WNT5A: variants seen among roughly 807,000 people sequenced by gnomAD.
The protein encoded by WNT5A is protein Wnt-5a.
WNT5A carries 9 observed loss-of-function variants against 42.1 expected under a neutral mutation model. That is an observed-to-expected ratio of 0.21 (90% CI 0.13 to 0.37). WNT5A has a LOEUF of 0.37. Ranked by LOEUF, WNT5A falls within the 10% of genes least tolerant of loss-of-function variation. The probability of loss-of-function intolerance (pLI) is 1.00; values close to 1 mark genes in which losing one functional copy is unlikely to be tolerated. For synonymous variants in WNT5A, 210 were observed against 210.0 expected, an observed-to-expected ratio of 1.00 and a Z score of 0.00; for missense variants, 426 against 534.0, an observed-to-expected ratio of 0.80 and a Z score of 1.99.
the WNT5A span, among the ~76,000 whole-genome samples, chr3:55,504,493 A>G: frequency 2.0e-5 from 3 of 151,440 alleles, no homozygotes; most frequent in African/African-American, 7.3e-5. Flanking sequence ...TTTTGAGAAA[A>G]AAAATTGTTG....
At chr3:55,488,819 G>T (rs2051622800), upstream of WNT5A, among the ~76,000 whole-genome samples, 1 of 152,194 alleles carries the variant, frequency 6.6e-6, no homozygotes, top group South Asian at 2.1e-4. Flanking sequence ...CTCCCACTGG[G>T]GCTCCACGGA....
chr3:55,466,676 G>T lies in WNT5A; in HGVS notation c.*3416C>A, dbSNP rs1317250892. 1 of 152,440 alleles carries T rather than the reference G, an allele frequency of 6.6e-6. No individual in the cohort carries two copies. Among genetic ancestry groups the T allele is most frequent in the Non-Finnish European group, 1.5e-5 (1 of 67,994 alleles). 9.4% of individuals were successfully genotyped at this position (152,440 alleles called of 1,614,324 possible). On this transcript the variant is annotated 3_prime_UTR_variant, in exon 5 of 5. Coordinates refer to ENST00000264634, the MANE Select transcript of WNT5A (RefSeq NM_003392.7). The stretch of plus-strand genomic sequence containing the variant: ...ATTTTTTATTAATTTTCTTGTATTG[G>T]GAAGATCTTGAATACGCTCCAGGAT...
In WNT5A at chr3:55,479,294, T is replaced by C. The variant is rs751376429; in HGVS notation, c.391+20A>G. 13 of 1,465,078 alleles carry C rather than the reference T, an allele frequency of 8.9e-6. No homozygotes were observed. The highest frequency in any genetic ancestry group is 1.4e-5 in the African/African-American group (1 of 70,252). The allele number at this position is 1,465,078 out of a possible 1,614,324, so 90.8% of individuals were successfully genotyped here. A position where few individuals can be genotyped will look rare whatever the true frequency, so the allele number is the denominator to read the frequency against. ...AAAAAAAGTTAATGTTTTAAAAAAA[T>C]ATTTTAAATGTTTTCCTACCTATCT... On this transcript the variant is annotated intron_variant, in intron 3 of 4. Coordinates refer to ENST00000264634, the MANE Select transcript of WNT5A (RefSeq NM_003392.7).
chr3:55,476,430 T>C (rs967002726), intron 3 of WNT5A, among the ~76,000 whole-genome samples: 2 of 152,098 alleles, frequency 1.3e-5, no homozygotes, highest in African/African-American at 4.8e-5. Context: ...ATACAGCTTC[T>C]AGGGAGTAAT....
Position 55,467,532 on chromosome 3 carries a change from T to C in WNT5A, c.*2560A>G, listed in dbSNP as rs528817958. The C allele has an allele frequency of 6.5e-6, 1 of 152,678 alleles. No homozygotes were observed. Among genetic ancestry groups the C allele is most frequent in the East Asian group, 1.9e-4 (1 of 5,176 alleles). 9.5% of individuals were successfully genotyped at this position (152,678 alleles called of 1,614,324 possible). ...ATCCTAAACTATCCGTCATGGTTTCTCCAAAAATCTCCACATGAATTATCT... is the reference window on the plus strand; with the variant it reads ...ATCCTAAACTATCCGTCATGGTTTCCCCAAAAATCTCCACATGAATTATCT... On this transcript the variant is annotated 3_prime_UTR_variant, in exon 5 of 5. Coordinates refer to ENST00000264634, the MANE Select transcript of WNT5A (RefSeq NM_003392.7).
intron 4 of WNT5A, among the ~76,000 whole-genome samples, chr3:55,472,629 G>C (rs2051274634): frequency 6.6e-6 from 1 of 152,086 alleles, no homozygotes; most frequent in East Asian, 1.9e-4. Context: ...GCCTGAGAAA[G>C]GAGAGGCCAC....
At chr3:55,493,509 G>A (rs2051683103), upstream of WNT5A, among the ~76,000 whole-genome samples, 1 of 152,126 alleles carries the variant, frequency 6.6e-6, no homozygotes, top group Non-Finnish European at 1.5e-5. Flanking sequence ...TTATTTACAA[G>A]TATATTTGTT....
intron 4 of WNT5A, among the ~76,000 whole-genome samples, chr3:55,473,724 A>G (rs1352418057): frequency 6.6e-6 from 1 of 152,180 alleles, no homozygotes; most frequent in Non-Finnish European, 1.5e-5. Context: ...CCTGCTACCT[A>G]ATGACATAAA....
intron 3 of WNT5A, among the ~76,000 whole-genome samples, chr3:55,478,791 AAAAAT>A (rs1207986945): frequency 6.6e-5 from 10 of 152,190 alleles, no homozygotes; most frequent in Admixed American, 6.5e-4. Flanking sequence ...TTCTGGGACT[AAAAAT>A]AAAGCTTTTA....
chr3:55,482,854 C>T (rs1313678052), intron 1 of WNT5A, among the ~76,000 whole-genome samples: 2 of 152,206 alleles, frequency 1.3e-5, no homozygotes, highest in Admixed American at 1.3e-4. Flanking sequence ...GCAAAGTCAA[C>T]TCTCCCCAAG....
chr3:55,479,201 G>T (rs941168113), intron 3 of WNT5A, 113 bp downstream of exon 3: 15 of 1,232,462 alleles, frequency 1.2e-5, no homozygotes, highest in Non-Finnish European at 8.5e-6. Context: ...GCCACCACCC[G>T]AGCTGGAAGG....
At chr3:55,492,104 T>C (rs2051666109), upstream of WNT5A, among the ~76,000 whole-genome samples, 1 of 152,326 alleles carries the variant, frequency 6.6e-6, no homozygotes, top group South Asian at 2.1e-4. Flanking sequence ...AACTTACTTA[T>C]GTGTTATATG....
chr3:55,480,864 T>G lies in WNT5A; in HGVS notation c.61A>C (p.Met21Leu). ...GCCACTAGGAAGAACTTGGAAGACA[T>G]TGCACTTCCAGCCATCCCCAAAGCA... ...GVALGMAGSAMSSKFFLVALA... is the reference protein window; with the variant it reads ...GVALGMAGSALSSKFFLVALA... The change falls in exon 2 of 5, where the codon ATG (methionine) becomes CTG (leucine). Residue 21 changes from methionine to leucine, a missense_variant. Met to Leu is a conservative substitution (Grantham distance 15). Coordinates refer to ENST00000264634, the MANE Select transcript of WNT5A (RefSeq NM_003392.7). 1 of 1,589,086 alleles carries G rather than the reference T, an allele frequency of 6.3e-7. No homozygotes were observed. Among genetic ancestry groups the G allele is most frequent in the Non-Finnish European group, 8.6e-7 (1 of 1,166,234 alleles).
Position 55,487,053 on chromosome 3 carries a change from A to T in WNT5A, c.-68T>A. 1 of 1,534,696 alleles carries T rather than the reference A, an allele frequency of 6.5e-7. No individual in the cohort carries two copies. Among genetic ancestry groups the T allele is most frequent in the South Asian group, 1.2e-5 (1 of 85,650 alleles). ...GAGCGCAGCCGAGGAATCCGAGCGG[A>T]GCGACCGGGTTAAGCCTGGGGGGAC... On this transcript the variant is annotated 5_prime_UTR_variant, in exon 1 of 5. Transcript: ENST00000264634.
chr3:55,494,267 A>G (rs182809595), upstream of WNT5A, among the ~76,000 whole-genome samples: 59 of 152,340 alleles, frequency 3.9e-4, no homozygotes, highest in African/African-American at 1.4e-3. Context: ...GTTCTCAATA[A>G]TTACTTTTGT....
At position 55,468,152 on chromosome 3, in the gene WNT5A, A is replaced by AG. The variant is rs970354232; in HGVS notation, c.*1939_*1940insC. 2.0e-5 allele frequency: 3 copies of AG among 151,772 alleles called. No homozygotes were observed. The highest frequency in any genetic ancestry group is 7.3e-5 in the African/African-American group (3 of 41,336). The allele number at this position is 151,772 out of a possible 1,614,324, so 9.4% of individuals were successfully genotyped here. A position where few individuals can be genotyped will look rare whatever the true frequency, so the allele number is the denominator to read the frequency against. ...GGTGTCCTTATTAAAAAAAAAAAAA[A>AG]AAAAGCTATCTATGTAGTGGGCTGA... is the stretch of plus-strand genomic sequence containing the variant. On this transcript the variant is annotated 3_prime_UTR_variant, in exon 5 of 5. Coordinates refer to ENST00000264634, the MANE Select transcript of WNT5A (RefSeq NM_003392.7).
chr3:55,486,915 A>C, intron 1 of WNT5A, 65 bp downstream of exon 1: 1 of 1,209,210 alleles, frequency 8.3e-7, no homozygotes, highest in Non-Finnish European at 1.2e-6. Flanking sequence ...AAGGGAACTC[A>C]GTTAACTTCC....
rs1208851110 is a variant in WNT5A at position 55,467,441 on chromosome 3, T to C, written c.*2651A>G. ...TTGTTCCATTACATATAGAAACCTT[T>C]TGAAGCTTCCAAATAGCTTGGTTTT... On this transcript the variant is annotated 3_prime_UTR_variant, in exon 5 of 5. Transcript: ENST00000264634. 2 of 152,360 alleles carry C rather than the reference T, an allele frequency of 1.3e-5. No individual in the cohort carries two copies. Among genetic ancestry groups the C allele is most frequent in the Non-Finnish European group, 2.9e-5 (2 of 67,974 alleles). The allele number at this position is 152,360 out of a possible 1,614,324, so 9.4% of individuals were successfully genotyped here.
In WNT5A at chr3:55,470,010, C is replaced by A. The variant is rs763619433; in HGVS notation, c.*82G>T. 6 of 1,568,334 alleles carry A rather than the reference C, an allele frequency of 3.8e-6. No homozygotes were observed. Among genetic ancestry groups the A allele is most frequent in the African/African-American group, 2.7e-5 (2 of 73,518 alleles). On this transcript the variant is annotated 3_prime_UTR_variant, in exon 5 of 5. Coordinates refer to ENST00000264634, the MANE Select transcript of WNT5A (RefSeq NM_003392.7). ...TCTTGGGGAAAAATAAAAAATATTT[C>A]TAAAAACCAAAAACCAGAATCACTG...
Sources: allele counts gnomAD v4.1 joint callset (sites outside exome capture counted in the v4.1 genomes callset), GRCh38; gene constraint gnomAD v4.1.1; transcripts MANE v1.5; gene names NCBI Gene and HGNC (gene_info 2026-07-23, HGNC 2026-07-21).